PCP4: variants seen among roughly 807,000 people sequenced by gnomAD.
PCP4 encodes calmodulin regulator protein PCP4.
In PCP4, 8 loss-of-function variants were observed where a neutral mutation model predicts 10.0. The observed-to-expected ratio is 0.80, with a 90% CI of 0.47 to 1.45. PCP4 has a LOEUF of 1.45. PCP4 is among the 40% of genes most tolerant of loss of function. PCP4 has a pLI of 0.00. For synonymous variants in PCP4, 21 were observed against 23.0 expected (o/e 0.91, Z 0.24); for missense variants, 54 against 74.4 (o/e 0.73, Z 1.01).
rs117737950 is a variant in PCP4, at chr21:39,876,602, A to G, written c.9+9092A>G. Among the ~76,000 whole-genome samples, 600 of 152,334 alleles carry G rather than the reference A, an allele frequency of 3.9e-3. 2 individuals carry two copies. The highest frequency in any genetic ancestry group is 6.8e-3 in the Middle Eastern group (2 of 294). On this transcript the variant is annotated intron_variant, in intron 1 of 2. Transcript: ENST00000328619. ...GTCAACAGGCAGTGTGTCTGGGACA[A>G]TCTCCCATTGTGGGACTCCTACTCT...
chr21:39,929,065 C>T lies in PCP4; in HGVS notation c.143C>T (p.Ser48Phe). The T allele has an allele frequency of 6.2e-7, 1 of 1,613,654 alleles. No individual in the cohort carries two copies. Among genetic ancestry groups the T allele is most frequent in the Non-Finnish European group, 8.5e-7 (1 of 1,179,790 alleles). Residue 48 changes from serine (S) to phenylalanine (F), a missense_variant, in exon 3 of 3, where the codon TCT becomes TTT. Physicochemically the swap from Ser to Phe is radical, Grantham distance 155. Coordinates refer to ENST00000328619, the MANE Select transcript of PCP4 (RefSeq NM_006198.3). ...ETERAAVAIQ[S>F]QFRKFQKKKA... ...GAACGTGCAGCGGTGGCCATTCAGTCTCAGTTCAGAAAATTCCAGAAGAAG... is the reference window on the plus strand; with the variant it reads ...GAACGTGCAGCGGTGGCCATTCAGTTTCAGTTCAGAAAATTCCAGAAGAAG...
At chr21:39,877,406 G>C (rs1244277285) in intron 1 of PCP4, among the ~76,000 whole-genome samples, 1 of 151,966 alleles carries the variant, frequency 6.6e-6, no homozygotes, top group Non-Finnish European at 1.5e-5. Flanking sequence ...TAAGACCCTT[G>C]TTGGGCATGG....
intron 2 of PCP4, among the ~76,000 whole-genome samples, chr21:39,900,430 C>T (rs2087477531): frequency 6.6e-6 from 1 of 152,114 alleles, no homozygotes; most frequent in Admixed American, 6.6e-5. Context: ...TGATGTTTGT[C>T]ATGCTGGAAC....
intron 2 of PCP4, among the ~76,000 whole-genome samples, chr21:39,903,014 A>T (rs1219208192): frequency 1.3e-5 from 2 of 152,202 alleles, no homozygotes; most frequent in Non-Finnish European, 2.9e-5. Flanking sequence ...AACACAACCG[A>T]AAGATTTTTG....
At chr21:39,900,422 A>C (rs762545845) in intron 2 of PCP4, among the ~76,000 whole-genome samples, 6 of 152,122 alleles carry the variant, frequency 3.9e-5, no homozygotes, top group Non-Finnish European at 7.4e-5. Context: ...ATATCTATTG[A>C]TGTTTGTCAT....
At chr21:39,893,396 T>G (rs1280813214) in intron 1 of PCP4, among the ~76,000 whole-genome samples, 1 of 152,214 alleles carries the variant, frequency 6.6e-6, no homozygotes, top group Non-Finnish European at 1.5e-5. Context: ...TATACCCATT[T>G]GTTATTTAGA....
chr21:39,919,233 C>T (rs2087583237), intron 2 of PCP4, among the ~76,000 whole-genome samples: 1 of 152,172 alleles, frequency 6.6e-6, no homozygotes, highest in South Asian at 2.1e-4. Flanking sequence ...GGGATCCCAG[C>T]TAAGAGGGCC....
At chr21:39,882,265 C>T (rs1372941005) in intron 1 of PCP4, among the ~76,000 whole-genome samples, 1 of 152,194 alleles carries the variant, frequency 6.6e-6, no homozygotes, top group South Asian at 2.1e-4. Flanking sequence ...TGCAGCGGTA[C>T]ATTACGCTTG....
intron 1 of PCP4, among the ~76,000 whole-genome samples, chr21:39,881,102 C>A (rs1451893993): frequency 2.6e-5 from 4 of 152,150 alleles, no homozygotes; most frequent in Non-Finnish European, 4.4e-5. Context: ...GTCTGCTAAT[C>A]TGAGTCTCAA....
chr21:39,870,422 G>A (rs765411145), intron 1 of PCP4, among the ~76,000 whole-genome samples: 1 of 152,160 alleles, frequency 6.6e-6, no homozygotes, highest in Non-Finnish European at 1.5e-5. Context: ...CAGAATGCAG[G>A]CTTAAGTCTA....
chr21:39,908,776 T>C (rs1425837570), intron 2 of PCP4, among the ~76,000 whole-genome samples: 1 of 152,040 alleles, frequency 6.6e-6, no homozygotes, highest in East Asian at 1.9e-4. Context: ...TGGCCTGGGT[T>C]GGGAGGCAGG....
At chr21:39,925,759 G>A (rs779241244) in intron 2 of PCP4, among the ~76,000 whole-genome samples, 5 of 152,106 alleles carry the variant, frequency 3.3e-5, no homozygotes, top group Non-Finnish European at 5.9e-5. Context: ...GCCTCTGCCC[G>A]GGAGTGATGG....
intron 1 of PCP4, among the ~76,000 whole-genome samples, chr21:39,895,821 C>T (rs2087454320): frequency 6.6e-6 from 1 of 152,222 alleles, no homozygotes; most frequent in Admixed American, 6.5e-5. Flanking sequence ...CTGCAACTGC[C>T]TGGTATTGTA....
chr21:39,898,574 A>ATACCCAGGGCTGCAGATG, intron 2 of PCP4, 47 bp downstream of exon 2: 1 of 1,454,882 alleles, frequency 6.9e-7, no homozygotes, highest in Non-Finnish European at 9.7e-7. Flanking sequence ...TGCCATCTGC[A>ATACCCAGGGCTGCAGATG]GCCCTGGGTA....
In PCP4 at chr21:39,929,174, T is replaced by C. The variant is rs1350548245; in HGVS notation, c.*63T>C. ...ATTCAACCATCATCTGTCAAGAAATTAAAAGAACAACACCCTAGAGAGAAG... is the reference window on the plus strand; with the variant it reads ...ATTCAACCATCATCTGTCAAGAAATCAAAAGAACAACACCCTAGAGAGAAG... On this transcript the variant is annotated 3_prime_UTR_variant, in exon 3 of 3. Coordinates refer to ENST00000328619, the MANE Select transcript of PCP4 (RefSeq NM_006198.3). The C allele has an allele frequency of 6.5e-7, 1 of 1,534,248 alleles. No homozygotes were observed. Among genetic ancestry groups the C allele is most frequent in the African/African-American group, 1.4e-5 (1 of 72,198 alleles).
In PCP4 at chr21:39,921,582, G is replaced by T. The variant is rs191935897; in HGVS notation, c.62-7402G>T. On this transcript the variant is annotated intron_variant, in intron 2 of 2. Coordinates refer to ENST00000328619, the MANE Select transcript of PCP4 (RefSeq NM_006198.3). ...GTGCTGTTATAGGCTGAGCCGTGTC[G>T]TCTCCCCACCCAAATTAATATGTGG... Among the ~76,000 whole-genome samples, 166 of 152,196 alleles carry T rather than the reference G, an allele frequency of 1.1e-3. 2 individuals are homozygous for T. The highest frequency in any genetic ancestry group is 3.8e-3 in the African/African-American group (159 of 41,534).
chr21:39,883,572 A>G (rs945463748), intron 1 of PCP4: 4 of 152,258 alleles, frequency 2.6e-5, no homozygotes, highest in African/African-American at 9.6e-5. Context: ...TACGTCCTTC[A>G]TGAGAAAAAT....
intron 1 of PCP4, among the ~76,000 whole-genome samples, chr21:39,868,093 G>A (rs1370352871): frequency 1.3e-5 from 2 of 152,206 alleles, no homozygotes; most frequent in Non-Finnish European, 2.9e-5. Flanking sequence ...CAGAAGAAGA[G>A]CTACAATTTT....
At chr21:39,923,858 G>A (rs113301993) in intron 2 of PCP4, among the ~76,000 whole-genome samples, 2 of 152,258 alleles carry the variant, frequency 1.3e-5, no homozygotes, top group African/African-American at 4.8e-5. Flanking sequence ...GGAGGGCGTG[G>A]TGTGTGCCCT....
Sources: gnomAD v4.1 joint callset for allele counts (sites outside exome capture counted in the v4.1 genomes callset) on GRCh38, gnomAD v4.1.1 for gene constraint, MANE v1.5 for transcripts, NCBI Gene and HGNC (gene_info 2026-07-23, HGNC 2026-07-21) for gene names.